NREP: variants seen among roughly 807,000 people sequenced by gnomAD.
NREP encodes the protein neuronal regeneration-related protein.
NREP carries 5 observed loss-of-function variants against 8.6 expected under a neutral mutation model. The ratio of observed to expected loss-of-function variants is 0.58; its 90% CI spans 0.30 to 1.22. The LOEUF (loss-of-function observed/expected upper bound fraction) is 1.22. Among genes scored for constraint, NREP ranks in the 50% most tolerant of loss-of-function variants. NREP has a pLI of 0.07. For missense variants in NREP, 86 were observed against 82.5 expected, an observed-to-expected ratio of 1.04 and a Z score of -0.17; for synonymous variants, 27 against 28.0, an observed-to-expected ratio of 0.96 and a Z score of 0.11.
rs1401992258 is a variant in NREP at position 111,729,488 on chromosome 5, CA to C, written c.*1432del. The stretch of plus-strand genomic sequence containing the variant: ...ATACTGTTTTCTTGCTCTATTTACA[CA>C]GCTGATATACCTATTCTAACGAAGG... On this transcript the variant is annotated 3_prime_UTR_variant, in exon 4 of 4. Coordinates refer to ENST00000257435, the MANE Select transcript of NREP (RefSeq NM_004772.4). 3 of 152,734 alleles carry C rather than the reference CA, an allele frequency of 2.0e-5. No individual in the cohort carries two copies. The East Asian group carries it at 5.8e-4, about 29-fold the overall frequency. The allele number at this position is 152,734 out of a possible 1,614,324, so 9.5% of individuals were successfully genotyped here.
chr5:111,964,412 G>C (rs1213603975), intron 2 of NREP, among the ~76,000 whole-genome samples: 1 of 152,052 alleles, frequency 6.6e-6, no homozygotes, highest in Non-Finnish European at 1.5e-5. Context: ...CTGTCACCCA[G>C]GCTGGAGTTC....
At chr5:111,796,561 C>A (rs1751877042) in intron 2 of NREP, among the ~76,000 whole-genome samples, 1 of 152,136 alleles carries the variant, frequency 6.6e-6, no homozygotes, top group South Asian at 2.1e-4. Flanking sequence ...TTATTTGCAT[C>A]ATATTATGAG....
At chr5:111,800,708 A>T (rs1270708425) in intron 2 of NREP, among the ~76,000 whole-genome samples, 3 of 152,222 alleles carry the variant, frequency 2.0e-5, no homozygotes, top group South Asian at 4.1e-4. Flanking sequence ...CTCTCCATAA[A>T]GGTAGAAGAG....
At chr5:111,851,678 T>G (rs1581165593) in intron 2 of NREP, among the ~76,000 whole-genome samples, 1 of 152,008 alleles carries the variant, frequency 6.6e-6, no homozygotes, top group East Asian at 1.9e-4. Flanking sequence ...ATACAAAATT[T>G]CCCTTAGAAA....
chr5:111,865,117 G>A (rs1240808641), intron 2 of NREP, among the ~76,000 whole-genome samples: 1 of 152,112 alleles, frequency 6.6e-6, no homozygotes, highest in African/African-American at 2.4e-5. Flanking sequence ...GAGCTGTGAA[G>A]GACCACTACA....
intron 2 of NREP, 148 bp downstream of exon 2, chr5:111,755,622 C>T (rs1274487951): frequency 4.7e-6 from 4 of 846,878 alleles, no homozygotes; most frequent in Non-Finnish European, 6.0e-6. Flanking sequence ...TACTGCAACG[C>T]TCCCAGGAAC....
At chr5:111,736,896 C>T (rs1749173035) in intron 2 of NREP, among the ~76,000 whole-genome samples, 1 of 152,112 alleles carries the variant, frequency 6.6e-6, no homozygotes. Context: ...TTTCCAGATT[C>T]TAAACTTCAG....
At chr5:111,940,863 G>A (rs1368271797) in intron 2 of NREP, among the ~76,000 whole-genome samples, 1 of 152,046 alleles carries the variant, frequency 6.6e-6, no homozygotes, top group Admixed American at 6.6e-5. Context: ...TTTGGTTATA[G>A]TACAGTGAAA....
intron 2 of NREP, among the ~76,000 whole-genome samples, chr5:111,779,247 T>G (rs1017654923): frequency 1.3e-5 from 2 of 152,076 alleles, no homozygotes; most frequent in African/African-American, 4.8e-5. Context: ...AAGCAAGGGG[T>G]GCATCCAGAC....
chr5:111,806,938 G>A (rs906037457), intron 2 of NREP, among the ~76,000 whole-genome samples: 8 of 151,914 alleles, frequency 5.3e-5, no homozygotes, highest in Non-Finnish European at 1.2e-4. Flanking sequence ...GACTTGCCTT[G>A]GTCCTGCCTA....
intron 2 of NREP, among the ~76,000 whole-genome samples, chr5:111,943,130 T>A (rs1755878819): frequency 6.6e-6 from 1 of 152,036 alleles, no homozygotes; most frequent in African/African-American, 2.4e-5. Context: ...AACTGGCTCC[T>A]CTTTTGCATC....
At chr5:111,919,978 C>T (rs1196673407) in intron 2 of NREP, among the ~76,000 whole-genome samples, 1 of 126,458 alleles carries the variant, frequency 7.9e-6, no homozygotes, top group African/African-American at 3.6e-5. Flanking sequence ...AGAATACCCC[C>T]CCCCCCCACA....
chr5:111,862,545 C>T (rs1307907620), intron 2 of NREP, among the ~76,000 whole-genome samples: 1 of 152,054 alleles, frequency 6.6e-6, no homozygotes, highest in African/African-American at 2.4e-5. Flanking sequence ...CAGTTGGCAA[C>T]GTTCTCGAAA....
At chr5:111,811,047 C>CATAT (rs1361621650) in intron 2 of NREP, among the ~76,000 whole-genome samples, 1 of 151,964 alleles carries the variant, frequency 6.6e-6, no homozygotes, top group Admixed American at 6.5e-5. Flanking sequence ...AAACCACATA[C>CATAT]TGTTGAGAAA....
chr5:111,916,562 G>A, intron 2 of NREP, among the ~76,000 whole-genome samples: 1 of 152,082 alleles, frequency 6.6e-6, no homozygotes, highest in East Asian at 1.9e-4. Flanking sequence ...CTGAGCCATG[G>A]GCCTTTGCGT....
chr5:111,877,908 T>A (rs943915506), intron 2 of NREP, among the ~76,000 whole-genome samples: 1 of 152,170 alleles, frequency 6.6e-6, no homozygotes, highest in Non-Finnish European at 1.5e-5. Context: ...GAGTATGGCA[T>A]CCCCAGCTAC....
chr5:111,840,143 A>G (rs1448235114), intron 2 of NREP, among the ~76,000 whole-genome samples: 4 of 152,082 alleles, frequency 2.6e-5, no homozygotes, highest in Non-Finnish European at 5.9e-5. Flanking sequence ...CATGTCTCAT[A>G]TAATTTATAC....
At chr5:111,787,246 C>T (rs950937056) in intron 2 of NREP, among the ~76,000 whole-genome samples, 2 of 152,150 alleles carry the variant, frequency 1.3e-5, no homozygotes, top group East Asian at 3.8e-4. Context: ...AGTAGGGAAA[C>T]ATTCTGAAGC....
chr5:111,752,324 A>G (rs1750412226), intron 2 of NREP, among the ~76,000 whole-genome samples: 2 of 152,160 alleles, frequency 1.3e-5, no homozygotes, highest in Admixed American at 1.3e-4. Context: ...GACTATCCCA[A>G]CTGTCCTAAT....
Sources: allele counts gnomAD v4.1 joint callset (sites outside exome capture counted in the v4.1 genomes callset), GRCh38; gene constraint gnomAD v4.1.1; transcripts MANE v1.5; gene names NCBI Gene and HGNC (gene_info 2026-07-23, HGNC 2026-07-21).